Variants in ARID1B observed in about 807,000 individuals in gnomAD.
The protein encoded by ARID1B is AT-rich interaction domain 1B.
A neutral mutation model predicts 212.3 loss-of-function variants in ARID1B; 30 were observed. The observed-to-expected ratio is 0.14, with a 90% CI of 0.11 to 0.19. The LOEUF (loss-of-function observed/expected upper bound fraction) is 0.19. ARID1B is among the 10% of genes least tolerant of loss of function. The pLI is 1.00. For synonymous variants in ARID1B, 1,402 were observed against 1,301.7 expected (o/e 1.08, Z -1.66); for missense variants, 2,891 against 3,204.0 (o/e 0.90, Z 2.36).
intron 2 of ARID1B, among the ~76,000 whole-genome samples, chr6:156,843,822 G>A (rs1469050791): frequency 6.6e-6 from 1 of 152,178 alleles, no homozygotes; most frequent in Non-Finnish European, 1.5e-5. Context: ...GTAGCCCTAA[G>A]TGGGTGAACT....
intron 1 of ARID1B, among the ~76,000 whole-genome samples, chr6:156,817,221 CA>C (rs555579740): frequency 6.7e-6 from 1 of 150,008 alleles, no homozygotes; most frequent in Non-Finnish European, 1.5e-5. Flanking sequence ...ACTAAAAATA[CA>C]AAAAAAAATT....
chr6:157,206,060 T>A lies in ARID1B; in HGVS notation c.5395-107T>A. On this transcript the variant is annotated intron_variant, in intron 19 of 19. Coordinates refer to ENST00000636930, the MANE Select transcript of ARID1B (RefSeq NM_001374828.1). The surrounding 1 kb of genome is among the most constrained non-coding windows in gnomAD (Gnocchi z 6.8). Reference sequence around the variant, plus strand: ...AAAAAGGGAGACAAACGTGTGACAATGATGGAAAGGTATTGACGGGTCTCA... The same window carrying A: ...AAAAAGGGAGACAAACGTGTGACAAAGATGGAAAGGTATTGACGGGTCTCA... 8.1e-7 allele frequency: 1 copy of A among 1,229,382 alleles called. No individual in the cohort carries two copies. Among genetic ancestry groups the A allele is most frequent in the Non-Finnish European group, 1.1e-6 (1 of 878,158 alleles). The allele number at this position is 1,229,382 out of a possible 1,614,324, so 76.2% of individuals were successfully genotyped here.
intron 4 of ARID1B, among the ~76,000 whole-genome samples, chr6:157,025,504 T>A (rs1780601855): frequency 6.6e-6 from 1 of 152,232 alleles, no homozygotes; most frequent in South Asian, 2.1e-4. Context: ...CTGCCACAGA[T>A]CTGTTTTCTT....
intron 4 of ARID1B, among the ~76,000 whole-genome samples, chr6:156,968,153 C>T (rs1402376339): frequency 1.3e-5 from 2 of 152,180 alleles, no homozygotes; most frequent in Non-Finnish European, 2.9e-5. Flanking sequence ...GGACTCTTAA[C>T]GCCTCACCTG....
At chr6:157,133,401 A>G (rs959315474) in intron 7 of ARID1B, among the ~76,000 whole-genome samples, 194 bp downstream of exon 7, 4 of 152,208 alleles carry the variant, frequency 2.6e-5, no homozygotes, top group Non-Finnish European at 5.9e-5. Context: ...TACAGCCACT[A>G]TTGGTGAAAC....
chr6:157,055,111 A>G (rs1782865895), intron 4 of ARID1B, among the ~76,000 whole-genome samples: 1 of 152,358 alleles, frequency 6.6e-6, no homozygotes, highest in East Asian at 1.9e-4. Flanking sequence ...TGAAGCCAGC[A>G]GATACCTCAG....
At chr6:156,779,572 G>A (rs1483028098) in intron 1 of ARID1B, 101 bp downstream of exon 1, 13 of 1,117,136 alleles carry the variant, frequency 1.2e-5, no homozygotes, top group Admixed American at 4.9e-5. Context: ...GTCTTCCCGC[G>A]GGGGCGGCGG....
intron 4 of ARID1B, among the ~76,000 whole-genome samples, chr6:157,049,136 G>A (rs530973404): frequency 5.4e-4 from 80 of 147,622 alleles, no homozygotes; most frequent in Non-Finnish European, 9.9e-4. Flanking sequence ...TCATGCCACT[G>A]CACTTCAGCC....
At chr6:156,906,417 C>T (rs1172724724) in intron 3 of ARID1B, among the ~76,000 whole-genome samples, 6 of 151,498 alleles carry the variant, frequency 4.0e-5, no homozygotes, top group Admixed American at 1.3e-4. Flanking sequence ...CGTGGAGGCG[C>T]GTCTGTAATC....
chr6:157,058,033 A>T (rs1419924535), intron 4 of ARID1B, among the ~76,000 whole-genome samples: 1 of 152,152 alleles, frequency 6.6e-6, no homozygotes, highest in Non-Finnish European at 1.5e-5. Flanking sequence ...CTACAAGATG[A>T]ACTGTAGTAC....
At position 156,871,527 on chromosome 6, in the gene ARID1B, C is replaced by G; in HGVS notation, c.1987-29849C>G. 6 of 1,229,550 alleles carry G rather than the reference C, an allele frequency of 4.9e-6. No homozygotes were observed. In the South Asian group the frequency reaches 7.7e-5, roughly 16 times the overall value. The allele number at this position is 1,229,550 out of a possible 1,614,324, so 76.2% of individuals were successfully genotyped here. A position where few individuals can be genotyped will look rare whatever the true frequency, so the allele number is the denominator to read the frequency against. The stretch of plus-strand genomic sequence containing the variant: ...GAGTGATTAAGTTGCTCAAGGTCAC[C>G]TAATTAATAAGCCACAGGGCCAAGA... On this transcript the variant is annotated intron_variant, in intron 2 of 19. Coordinates refer to ENST00000636930, the MANE Select transcript of ARID1B (RefSeq NM_001374828.1).
intron 1 of ARID1B, among the ~76,000 whole-genome samples, chr6:156,793,257 G>GCACA (rs1780133455): frequency 6.6e-6 from 1 of 152,212 alleles, no homozygotes; most frequent in Admixed American, 6.5e-5. Context: ...TCCTCCTGGT[G>GCACA]CACACAGTGA....
intron 4 of ARID1B, among the ~76,000 whole-genome samples, chr6:157,049,821 A>G (rs1411656096): frequency 1.3e-5 from 2 of 152,220 alleles, no homozygotes; most frequent in Admixed American, 6.5e-5. Context: ...TTAAATCTTC[A>G]CATTACATAT....
chr6:157,061,930 T>C (rs1033424895), intron 4 of ARID1B, among the ~76,000 whole-genome samples: 1 of 152,172 alleles, frequency 6.6e-6, no homozygotes, highest in Non-Finnish European at 1.5e-5. Flanking sequence ...AGGAGGAAAG[T>C]ATTTTTATGG....
At chr6:156,794,661 A>T (rs1256753479) in intron 1 of ARID1B, among the ~76,000 whole-genome samples, 12 of 140,844 alleles carry the variant, frequency 8.5e-5, no homozygotes, top group Non-Finnish European at 9.0e-5. Flanking sequence ...ACTGATGGCA[A>T]CCTCTCTCTC....
intron 3 of ARID1B, among the ~76,000 whole-genome samples, chr6:156,929,867 C>T (rs1483566384): frequency 6.6e-6 from 1 of 152,118 alleles, no homozygotes; most frequent in Non-Finnish European, 1.5e-5. Context: ...TTTCCCTCCT[C>T]CATTCCTCCA....
chr6:156,795,405 T>G (rs980216587), intron 1 of ARID1B, among the ~76,000 whole-genome samples: 1 of 151,854 alleles, frequency 6.6e-6, no homozygotes, highest in African/African-American at 2.4e-5. Flanking sequence ...AATTTTAGAG[T>G]AAGAAACCAA....
At chr6:156,891,538 T>C (rs1787920752) in intron 2 of ARID1B, among the ~76,000 whole-genome samples, 1 of 152,248 alleles carries the variant, frequency 6.6e-6, no homozygotes, top group African/African-American at 2.4e-5. Context: ...GTTAATTCTT[T>C]ATACCTATAC....
chr6:157,155,727 T>C (rs372233978), intron 8 of ARID1B, among the ~76,000 whole-genome samples: 1 of 152,166 alleles, frequency 6.6e-6, no homozygotes, highest in Non-Finnish European at 1.5e-5. Context: ...ATAAATTCCA[T>C]AGGGTAGCTA....
Sources: gnomAD v4.1 joint callset for allele counts (sites outside exome capture counted in the v4.1 genomes callset) on GRCh38, gnomAD v4.1.1 for gene constraint, Gnocchi (gnomAD v3.1) non-coding constraint, MANE v1.5 for transcripts, NCBI Gene and HGNC (gene_info 2026-07-23, HGNC 2026-07-21) for gene names.